Variants in SYNPR observed in about 807,000 individuals in gnomAD.
The protein encoded by SYNPR is synaptoporin.
SYNPR carries 23 observed loss-of-function variants against 32.9 expected under a neutral mutation model. The ratio of observed to expected loss-of-function variants is 0.70; its 90% CI spans 0.50 to 0.99. The LOEUF is 0.99. Among genes scored for constraint, SYNPR ranks in the 50% least tolerant of loss-of-function variants. The pLI, the probability that SYNPR is intolerant of heterozygous loss-of-function variation, is 0.00. For synonymous variants in SYNPR, 146 were observed against 135.9 expected (o/e 1.07, Z -0.52); for missense variants, 318 against 349.3 (o/e 0.91, Z 0.71).
Position 63,520,710 on chromosome 3 carries a change from G to A in SYNPR, c.210-35833G>A, listed in dbSNP as rs527944743. ...AATCAGAGTGATCATCCTCACCATC[G>A]CCATCAATTTAACAGGCAGAAAGGG... On this transcript the variant is annotated intron_variant, in intron 3 of 5. Coordinates refer to ENST00000478300, the MANE Select transcript of SYNPR (RefSeq NM_001130003.2). Among the ~76,000 whole-genome samples, 49 of 151,172 alleles carry A rather than the reference G, an allele frequency of 3.2e-4. 1 individual carries two copies. The highest frequency in any genetic ancestry group is 6.9e-3 in the Middle Eastern group (2 of 290).
intron 3 of SYNPR, among the ~76,000 whole-genome samples, chr3:63,552,136 A>C (rs1352239315): frequency 1.3e-5 from 2 of 151,970 alleles, no homozygotes; most frequent in African/African-American, 4.8e-5. Flanking sequence ...GACCTCAGGC[A>C]GTCTGCCTGC....
chr3:63,552,297 A>C (rs1702516964), intron 3 of SYNPR, among the ~76,000 whole-genome samples: 1 of 152,100 alleles, frequency 6.6e-6, no homozygotes, highest in African/African-American at 2.4e-5. Context: ...TCTGAAAATC[A>C]CCTGTGTCAG....
chr3:63,492,506 G>C (rs138879994), intron 3 of SYNPR, among the ~76,000 whole-genome samples: 1 of 152,184 alleles, frequency 6.6e-6, no homozygotes, highest in Non-Finnish European at 1.5e-5. Context: ...TTTGAACCTC[G>C]TAGGGCTTGC....
chr3:63,477,446 G>T (rs1195968956), intron 2 of SYNPR, among the ~76,000 whole-genome samples: 1 of 152,214 alleles, frequency 6.6e-6, no homozygotes, highest in Admixed American at 6.5e-5. Flanking sequence ...TCAGGGTCAG[G>T]TTCCTGCCCC....
intron 2 of SYNPR, among the ~76,000 whole-genome samples, chr3:63,444,832 C>T (rs1177424973): frequency 6.6e-6 from 1 of 152,088 alleles, no homozygotes; most frequent in African/African-American, 2.4e-5. Context: ...ACACTAATCC[C>T]CCAAACCCAC....
chr3:63,405,198 A>G (rs1166707852), intron 2 of SYNPR, among the ~76,000 whole-genome samples: 1 of 152,144 alleles, frequency 6.6e-6, no homozygotes, highest in Non-Finnish European at 1.5e-5. Flanking sequence ...GGTAGACTCA[A>G]TTTCTCTCTG....
intron 2 of SYNPR, among the ~76,000 whole-genome samples, chr3:63,264,744 G>A (rs906271923): frequency 1.3e-5 from 2 of 152,154 alleles, no homozygotes; most frequent in East Asian, 3.9e-4. Flanking sequence ...CATGGCTGTG[G>A]AGGCCTCAGG....
At chr3:63,277,435 TC>T (rs2086587288), upstream of SYNPR, among the ~76,000 whole-genome samples, 1 of 151,892 alleles carries the variant, frequency 6.6e-6, no homozygotes, top group Non-Finnish European at 1.5e-5. Flanking sequence ...AAGAAAACAG[TC>T]TAACTTTGGA....
At chr3:63,524,860 T>A (rs1701980484) in intron 3 of SYNPR, among the ~76,000 whole-genome samples, 3 of 150,586 alleles carry the variant, frequency 2.0e-5, no homozygotes, top group African/African-American at 7.4e-5. Flanking sequence ...TGCATGTGTG[T>A]GTGTGTGTGT....
intron 2 of SYNPR, among the ~76,000 whole-genome samples, chr3:63,307,814 G>A (rs1276514118): frequency 3.3e-5 from 5 of 152,012 alleles, no homozygotes; most frequent in African/African-American, 7.2e-5. Context: ...TTCCTAGGGG[G>A]AAGCCTATTT....
At chr3:63,476,874 G>T (rs1034835861) in intron 2 of SYNPR, among the ~76,000 whole-genome samples, 8 of 152,106 alleles carry the variant, frequency 5.3e-5, no homozygotes, top group Non-Finnish European at 1.0e-4. Context: ...ATGGTGGGTG[G>T]GAAACTTCCT....
intron 3 of SYNPR, among the ~76,000 whole-genome samples, chr3:63,490,471 T>C (rs1812207): frequency 0.69 from 105,382 of 151,804 alleles, 37,697 homozygotes; most frequent in African/African-American, 0.88. Flanking sequence ...GTCAAGAAGG[T>C]CAGTAAGGAG....
At chr3:63,220,438 C>G in the SYNPR span, among the ~76,000 whole-genome samples, 37 of 152,230 alleles carry the variant, frequency 2.4e-4, no homozygotes, top group Admixed American at 1.7e-3. Flanking sequence ...CTGCACTCTG[C>G]TATGTGATGC....
chr3:63,349,394 C>T (rs1237667263), intron 2 of SYNPR, among the ~76,000 whole-genome samples: 1 of 152,214 alleles, frequency 6.6e-6, no homozygotes, highest in Non-Finnish European at 1.5e-5. Context: ...GCCACCGCGC[C>T]TGGCCAACAA....
intron 2 of SYNPR, among the ~76,000 whole-genome samples, chr3:63,382,287 T>G (rs550776670): frequency 1.2e-4 from 18 of 152,330 alleles, no homozygotes; most frequent in Admixed American, 4.6e-4. Context: ...GCATGAAAGT[T>G]CTGGCTCTCT....
At chr3:63,523,207 G>C (rs1038597709) in intron 3 of SYNPR, among the ~76,000 whole-genome samples, 1 of 152,168 alleles carries the variant, frequency 6.6e-6, no homozygotes, top group African/African-American at 2.4e-5. Flanking sequence ...CTTGAGGGCA[G>C]AGTAACTGGA....
chr3:63,302,482 C>G (rs1027251319), intron 2 of SYNPR, among the ~76,000 whole-genome samples: 3 of 152,044 alleles, frequency 2.0e-5, no homozygotes, highest in African/African-American at 7.2e-5. Flanking sequence ...GTTGCAGAAA[C>G]AGGATTTAAA....
At chr3:63,226,121 G>A (rs780237119), upstream of SYNPR, among the ~76,000 whole-genome samples, 3 of 152,132 alleles carry the variant, frequency 2.0e-5, no homozygotes, top group Non-Finnish European at 4.4e-5. Flanking sequence ...TTAGGGAAAT[G>A]CAAATCCAAA....
chr3:63,349,309 T>C (rs1251265300), intron 2 of SYNPR, among the ~76,000 whole-genome samples: 2 of 150,610 alleles, frequency 1.3e-5, no homozygotes, highest in South Asian at 2.2e-4. Context: ...ACCATGTTGG[T>C]CAGGCTGGTC....
Sources: allele counts gnomAD v4.1 joint callset (sites outside exome capture counted in the v4.1 genomes callset), GRCh38; gene constraint gnomAD v4.1.1; transcripts MANE v1.5; gene names NCBI Gene and HGNC (gene_info 2026-07-23, HGNC 2026-07-21).